Variants in PRKG1 observed in about 807,000 individuals in gnomAD.
PRKG1 encodes protein kinase cGMP-dependent 1, also known as cGMP-dependent protein kinase 1.
In PRKG1, 35 loss-of-function variants were observed where a neutral mutation model predicts 88.1. The ratio of observed to expected loss-of-function variants is 0.40; its 90% confidence interval spans 0.30 to 0.53. PRKG1 has a LOEUF of 0.53. Ranked by LOEUF, PRKG1 falls within the 20% of genes least tolerant of loss-of-function variation. The pLI is 0.59. For missense variants in PRKG1, 540 were observed against 839.8 expected (o/e 0.64, Z 4.41); for synonymous variants, 303 against 292.5 (o/e 1.04, Z -0.37).
rs188105470 is a variant in PRKG1, at chr10:52,183,750, C to T, written c.1076+21787C>T. Among the ~76,000 whole-genome samples, 338 of 152,240 alleles carry T rather than the reference C, an allele frequency of 2.2e-3. 1 individual carries two copies. The highest frequency in any genetic ancestry group is 7.1e-3 in the African/African-American group (297 of 41,554). ...GATGCAACAGCTTGGCTTACAAAGC[C>T]TGGGTGGGGGTGAGGGAGTGCGCAT... is the stretch of plus-strand genomic sequence containing the variant. On this transcript the variant is annotated intron_variant, in intron 9 of 17. Transcript: ENST00000373980.
intron 2 of PRKG1, among the ~76,000 whole-genome samples, chr10:51,267,472 T>A (rs1488788623): frequency 1.3e-5 from 2 of 152,204 alleles, no homozygotes; most frequent in East Asian, 3.8e-4. Flanking sequence ...TATCTTTATA[T>A]CTGAATCTTT....
intron 3 of PRKG1, among the ~76,000 whole-genome samples, chr10:51,666,198 C>T (rs552467903): frequency 6.6e-6 from 1 of 152,262 alleles, no homozygotes; most frequent in Admixed American, 6.5e-5. Flanking sequence ...CCTAGCTCCC[C>T]TTTATTCTGA....
chr10:51,631,204 T>C (rs972662365), intron 3 of PRKG1, among the ~76,000 whole-genome samples: 1 of 152,214 alleles, frequency 6.6e-6, no homozygotes, highest in Admixed American at 6.5e-5. Flanking sequence ...GTCTCATCAT[T>C]GGGTCTTTCC....
chr10:51,942,917 G>T (rs905500960), intron 5 of PRKG1, among the ~76,000 whole-genome samples: 10 of 151,274 alleles, frequency 6.6e-5, no homozygotes, highest in African/African-American at 2.5e-4. Flanking sequence ...TTTGGCTTAG[G>T]ATTGACTTGG....
chr10:51,943,412 G>T (rs1336245297), intron 5 of PRKG1, among the ~76,000 whole-genome samples: 5 of 151,988 alleles, frequency 3.3e-5, no homozygotes, highest in Admixed American at 3.3e-4. Context: ...GGGACAATTT[G>T]ACTTCCTCTT....
At chr10:52,149,890 T>C (rs1837853811) in intron 8 of PRKG1, among the ~76,000 whole-genome samples, 1 of 152,038 alleles carries the variant, frequency 6.6e-6, no homozygotes, top group Non-Finnish European at 1.5e-5. Context: ...CTCATGCCAC[T>C]TATCCCAGCA....
At chr10:51,625,247 C>A (rs548256702) in intron 3 of PRKG1, among the ~76,000 whole-genome samples, 2 of 151,918 alleles carry the variant, frequency 1.3e-5, no homozygotes, top group Non-Finnish European at 2.9e-5. Flanking sequence ...GGAGGCTGAG[C>A]GGGTGGATCA....
intron 7 of PRKG1, among the ~76,000 whole-genome samples, chr10:52,083,620 G>C (rs1418829836): frequency 1.3e-5 from 2 of 151,954 alleles, no homozygotes; most frequent in Non-Finnish European, 2.9e-5. Flanking sequence ...TTGCCGCTTT[G>C]AGTTATTTTA....
chr10:51,543,457 T>C (rs1183965403), intron 3 of PRKG1, among the ~76,000 whole-genome samples: 1 of 152,208 alleles, frequency 6.6e-6, no homozygotes, highest in African/African-American at 2.4e-5. Flanking sequence ...AAAAGAAGTA[T>C]AGCATCCACA....
intron 4 of PRKG1, among the ~76,000 whole-genome samples, chr10:51,893,733 A>G (rs1841776845): frequency 6.6e-6 from 1 of 152,218 alleles, no homozygotes; most frequent in Admixed American, 6.5e-5. Flanking sequence ...TTTATTAATA[A>G]TAACAACAAC....
intron 9 of PRKG1, among the ~76,000 whole-genome samples, chr10:52,237,917 C>G (rs1339609941): frequency 2.1e-5 from 3 of 141,254 alleles, no homozygotes; most frequent in South Asian, 2.4e-4. Flanking sequence ...TGACTTCAAA[C>G]TATACTGCAA....
At chr10:51,634,571 T>C (rs1839608180) in intron 3 of PRKG1, among the ~76,000 whole-genome samples, 2 of 152,186 alleles carry the variant, frequency 1.3e-5, no homozygotes, top group African/African-American at 2.4e-5. Flanking sequence ...TGGATAAAAA[T>C]AAGGACCCTA....
At chr10:51,786,760 T>A (rs1838740151) in intron 3 of PRKG1, among the ~76,000 whole-genome samples, 1 of 152,218 alleles carries the variant, frequency 6.6e-6, no homozygotes, top group African/African-American at 2.4e-5. Flanking sequence ...AAATATTTCA[T>A]TACTTTCAAG....
intron 5 of PRKG1, among the ~76,000 whole-genome samples, chr10:52,002,296 GT>G (rs754447494): frequency 4.6e-5 from 7 of 152,042 alleles, no homozygotes; most frequent in Non-Finnish European, 1.0e-4. Context: ...AATTAAGCCT[GT>G]CTGCTTTTGT....
chr10:52,277,461 A>G (rs1005196586), intron 12 of PRKG1, among the ~76,000 whole-genome samples: 27 of 152,196 alleles, frequency 1.8e-4, no homozygotes, highest in African/African-American at 6.5e-4. Flanking sequence ...AGTGGCTACT[A>G]TTACATTTAG....
chr10:51,070,135 G>A (rs1009079575), upstream of PRKG1, among the ~76,000 whole-genome samples: 4 of 152,100 alleles, frequency 2.6e-5, no homozygotes, highest in Non-Finnish European at 5.9e-5. Flanking sequence ...AAAGTAATGA[G>A]GGGTAGGGGC....
chr10:51,841,452 G>A (rs760049049), intron 4 of PRKG1, among the ~76,000 whole-genome samples: 14 of 152,158 alleles, frequency 9.2e-5, no homozygotes, highest in Non-Finnish European at 1.6e-4. Context: ...AAAGCACATA[G>A]CCTGGACTTG....
chr10:51,039,959 T>C (rs1843398780), intron 1 of PRKG1, among the ~76,000 whole-genome samples: 1 of 152,216 alleles, frequency 6.6e-6, no homozygotes, highest in Admixed American at 6.5e-5. Flanking sequence ...CCAGTTATCA[T>C]GCTATTTTGG....
intron 3 of PRKG1, among the ~76,000 whole-genome samples, chr10:51,683,044 C>T (rs1202517932): frequency 6.6e-6 from 1 of 152,056 alleles, no homozygotes; most frequent in East Asian, 1.9e-4. Flanking sequence ...ATTTACTTAC[C>T]AGAGAAATGG....
Sources: gnomAD v4.1 joint callset for allele counts (sites outside exome capture counted in the v4.1 genomes callset) on GRCh38, gnomAD v4.1.1 for gene constraint, MANE v1.5 for transcripts, NCBI Gene and HGNC (gene_info 2026-07-23, HGNC 2026-07-21) for gene names.